Variants in PLCL2 observed in about 807,000 individuals in gnomAD.
PLCL2 encodes phospholipase C like 2, also known as inactive phospholipase C-like protein 2.
In PLCL2, 4 loss-of-function variants were observed where a neutral mutation model predicts 79.6. The observed-to-expected ratio is 0.05, with a 90% CI of 0.02 to 0.11. PLCL2 has a LOEUF of 0.11. Among genes scored for constraint, PLCL2 ranks in the 10% least tolerant of loss-of-function variants. The pLI is 1.00. For synonymous variants in PLCL2, 484 were observed against 457.7 expected (o/e 1.06, Z -0.73); for missense variants, 895 against 1,291.0 (o/e 0.69, Z 4.70).
At chr3:17,035,485 T>C (rs1262013278) in intron 3 of PLCL2, among the ~76,000 whole-genome samples, 5 of 152,134 alleles carry the variant, frequency 3.3e-5, no homozygotes, top group Non-Finnish European at 5.9e-5. Context: ...TCCTCCTCCA[T>C]GTAATGTGTT....
chr3:16,977,491 A>G (rs1406804961), intron 1 of PLCL2, among the ~76,000 whole-genome samples: 1 of 152,114 alleles, frequency 6.6e-6, no homozygotes, highest in Non-Finnish European at 1.5e-5. Flanking sequence ...ATTCAGATCT[A>G]TTATTCCATG....
At chr3:16,976,409 C>T (rs2063926342) in intron 1 of PLCL2, among the ~76,000 whole-genome samples, 1 of 152,160 alleles carries the variant, frequency 6.6e-6, no homozygotes, top group African/African-American at 2.4e-5. Flanking sequence ...TTCTGTATTT[C>T]ATCTGGAGGC....
chr3:16,907,056 G>T (rs1450599110), intron 1 of PLCL2, among the ~76,000 whole-genome samples: 1 of 152,128 alleles, frequency 6.6e-6, no homozygotes, highest in Non-Finnish European at 1.5e-5. Context: ...GCTGTTATCT[G>T]AAAATGAGTT....
At chr3:16,931,044 C>T (rs1697380527) in intron 1 of PLCL2, among the ~76,000 whole-genome samples, 1 of 151,968 alleles carries the variant, frequency 6.6e-6, no homozygotes, top group Non-Finnish European at 1.5e-5. Flanking sequence ...GATAATGCTT[C>T]CTGCTGGCCA....
chr3:16,898,032 C>T (rs1696525040), intron 1 of PLCL2, among the ~76,000 whole-genome samples: 1 of 151,828 alleles, frequency 6.6e-6, no homozygotes, highest in South Asian at 2.1e-4. Flanking sequence ...AGTCTTCTAG[C>T]CAAGAAGCTT....
chr3:17,015,526 A>G (rs2064374327), intron 3 of PLCL2, among the ~76,000 whole-genome samples: 1 of 152,188 alleles, frequency 6.6e-6, no homozygotes, highest in Admixed American at 6.5e-5. Flanking sequence ...TTTATTTATC[A>G]TAACTCTAAG....
chr3:17,058,389 A>G (rs1327454634), intron 4 of PLCL2, among the ~76,000 whole-genome samples: 2 of 152,160 alleles, frequency 1.3e-5, no homozygotes, highest in African/African-American at 4.8e-5. Context: ...GCAAAAACAA[A>G]CATTCTGAAG....
chr3:16,990,770 C>T (rs2064097201), intron 1 of PLCL2, among the ~76,000 whole-genome samples: 3 of 152,098 alleles, frequency 2.0e-5, no homozygotes, highest in Non-Finnish European at 4.4e-5. Flanking sequence ...ATTGACTTCC[C>T]AAGGCTGCAC....
At chr3:17,024,320 G>T (rs2124903046) in intron 3 of PLCL2, among the ~76,000 whole-genome samples, 1 of 152,260 alleles carries the variant, frequency 6.6e-6, no homozygotes, top group Non-Finnish European at 1.5e-5. Context: ...AAAGGAGGGT[G>T]AAGTGTGAGA....
At chr3:17,015,239 T>C (rs1264417242) in intron 3 of PLCL2, among the ~76,000 whole-genome samples, 1 of 152,216 alleles carries the variant, frequency 6.6e-6, no homozygotes, top group Non-Finnish European at 1.5e-5. Context: ...CTGCAGCCAG[T>C]CATTGATTAT....
intron 4 of PLCL2, among the ~76,000 whole-genome samples, chr3:17,058,741 T>A (rs141623842): frequency 6.8e-4 from 103 of 152,276 alleles, no homozygotes; most frequent in African/African-American, 2.2e-3. Flanking sequence ...AATGTTTATA[T>A]GTCAGCAAGA....
chr3:17,035,848 C>T (rs2064644950), intron 3 of PLCL2: 1 of 497,826 alleles, frequency 2.0e-6, no homozygotes, highest in African/African-American at 2.0e-5. Context: ...ATCATGCCTG[C>T]AGCGGGGTCC....
At chr3:16,926,941 A>G (rs542955552) in intron 1 of PLCL2, among the ~76,000 whole-genome samples, 9 of 152,108 alleles carry the variant, frequency 5.9e-5, no homozygotes, top group African/African-American at 1.4e-4. Context: ...ATTTTTTTTT[A>G]AGGCTAAGGA....
chr3:16,924,601 A>G (rs1697201552), intron 1 of PLCL2, among the ~76,000 whole-genome samples: 1 of 152,158 alleles, frequency 6.6e-6, no homozygotes, highest in Admixed American at 6.5e-5. Context: ...TTTCCTGAGC[A>G]TGCACTCGGC....
At position 17,009,997 on chromosome 3, in the gene PLCL2, G is replaced by A. The variant is rs372927646; in HGVS notation, c.651G>A (p.Ala217=). The A allele has an allele frequency of 5.7e-5, 92 of 1,614,084 alleles. No individual in the cohort carries two copies. The East Asian group carries it at 1.2e-3, about 21-fold the overall frequency. The change falls in exon 2 of 6, where the codon GCG becomes GCA. Residue 217 remains alanine, a synonymous_variant. Transcript: ENST00000615277. The surrounding 1 kb of genome is among the most constrained non-coding windows in gnomAD (Gnocchi z 4.0). ...GISDQISEDC[A]FSVIYGENYE... is the part of the protein sequence containing the mutation. ...CTGACCAGATATCTGAAGATTGTGC[G>A]TTTTCCGTCATATATGGAGAGAATT... is the stretch of plus-strand genomic sequence containing the variant.
At chr3:16,996,882 T>C (rs767307587) in intron 1 of PLCL2, among the ~76,000 whole-genome samples, 5 of 152,180 alleles carry the variant, frequency 3.3e-5, no homozygotes, top group Non-Finnish European at 7.3e-5. Context: ...TAAAATTTAA[T>C]TATTTACCTA....
intron 1 of PLCL2, among the ~76,000 whole-genome samples, chr3:16,928,394 A>G (rs1697307865): frequency 1.3e-5 from 2 of 152,336 alleles, no homozygotes; most frequent in South Asian, 2.1e-4. Flanking sequence ...ATTTCTGTGT[A>G]TAATAATTGA....
chr3:16,953,157 G>A (rs535512219), intron 1 of PLCL2, among the ~76,000 whole-genome samples: 1 of 152,258 alleles, frequency 6.6e-6, no homozygotes, highest in African/African-American at 2.4e-5. Flanking sequence ...TTATGTGAAT[G>A]AAGCAAGGTG....
At chr3:16,907,185 C>A (rs1192458421) in intron 1 of PLCL2, among the ~76,000 whole-genome samples, 1 of 146,814 alleles carries the variant, frequency 6.8e-6, no homozygotes, top group Non-Finnish European at 1.5e-5. Context: ...ATAACTTATA[C>A]CTCAAAATTT....
Sources: gnomAD v4.1 joint callset for allele counts (sites outside exome capture counted in the v4.1 genomes callset) on GRCh38, gnomAD v4.1.1 for gene constraint, Gnocchi (gnomAD v3.1) non-coding constraint, MANE v1.5 for transcripts, NCBI Gene and HGNC (gene_info 2026-07-23, HGNC 2026-07-21) for gene names.